LMF1: variants seen among roughly 807,000 people sequenced by gnomAD.
LMF1 encodes the protein transmembrane protein 112.
A neutral mutation model predicts 60.6 loss-of-function variants in LMF1; 68 were observed. That is an observed-to-expected ratio of 1.12 (90% confidence interval 0.92 to 1.37). The LOEUF is 1.37. LMF1 is among the 40% of genes most tolerant of loss of function. The pLI, the probability that LMF1 is intolerant of heterozygous loss-of-function variation, is 0.00. For missense variants in LMF1, 948 were observed against 767.2 expected (o/e 1.24, Z -2.78); for synonymous variants, 418 against 324.7 (o/e 1.29, Z -3.09).
intron 2 of LMF1, chr16:934,461 CA>C (rs1286889828): frequency 1.7e-6 from 1 of 600,192 alleles, no homozygotes; most frequent in South Asian, 1.9e-5. Flanking sequence ...AACAGGCAAC[CA>C]AAACATATTC....
chr16:855,843 G>C, intron 10 of LMF1: 1 of 456,064 alleles, frequency 2.2e-6, no homozygotes, highest in South Asian at 1.5e-5. Flanking sequence ...CCTGCACACA[G>C]CTGTGCTCTG....
chr16:875,522 C>T (rs1185666600), intron 6 of LMF1, among the ~76,000 whole-genome samples: 1 of 152,160 alleles, frequency 6.6e-6, no homozygotes, highest in Non-Finnish European at 1.5e-5. Flanking sequence ...TAACTCAGCA[C>T]CTTGCTTTTC....
intron 10 of LMF1, among the ~76,000 whole-genome samples, chr16:860,372 C>G (rs954337103): frequency 6.6e-6 from 1 of 151,386 alleles, no homozygotes; most frequent in Admixed American, 6.6e-5. Flanking sequence ...TGGGCTCTCG[C>G]TCTGTTGCCC....
chr16:880,963 T>C (rs2070146020), intron 5 of LMF1, among the ~76,000 whole-genome samples: 1 of 152,198 alleles, frequency 6.6e-6, no homozygotes, highest in Non-Finnish European at 1.5e-5. Flanking sequence ...CCATTGGGCC[T>C]GGCACAGCCG....
chr16:864,261 A>T (rs2069548673), intron 10 of LMF1, among the ~76,000 whole-genome samples: 1 of 152,182 alleles, frequency 6.6e-6, no homozygotes, highest in Non-Finnish European at 1.5e-5. Context: ...TTTCATTAAT[A>T]GTCACATATT....
chr16:973,304 C>T (rs1057084209), upstream of LMF1, among the ~76,000 whole-genome samples: 19 of 152,186 alleles, frequency 1.2e-4, no homozygotes, highest in Admixed American at 6.5e-5. Context: ...TAGATCGCGC[C>T]ACTGCACTCC....
At chr16:858,585 G>C (rs1189188122) in intron 10 of LMF1, among the ~76,000 whole-genome samples, 2 of 83,412 alleles carry the variant, frequency 2.4e-5, no homozygotes, top group Non-Finnish European at 2.4e-5. Flanking sequence ...CTCGGGACGG[G>C]TGTGAGTGGT....
chr16:890,683 C>A (rs975163504), intron 5 of LMF1, among the ~76,000 whole-genome samples: 9 of 152,248 alleles, frequency 5.9e-5, no homozygotes, highest in Non-Finnish European at 8.8e-5. Context: ...GCACAGGACC[C>A]CCCCATGTGT....
chr16:859,126 G>T (rs1380454400), intron 10 of LMF1, among the ~76,000 whole-genome samples: 1 of 131,924 alleles, frequency 7.6e-6, no homozygotes, highest in Non-Finnish European at 1.5e-5. Flanking sequence ...CGGGACGGGT[G>T]TGCACTGATG....
intron 2 of LMF1, among the ~76,000 whole-genome samples, chr16:942,713 G>A (rs763383867): frequency 8.2e-5 from 11 of 134,490 alleles, no homozygotes; most frequent in Non-Finnish European, 1.3e-4. Flanking sequence ...CCAATCACAT[G>A]TATGTTAGAC....
chr16:954,259 AACGCTCGTCCAGTC>A, intron 2 of LMF1, 84 bp downstream of exon 2: 1 of 1,242,948 alleles, frequency 8.0e-7, no homozygotes, highest in Non-Finnish European at 1.1e-6. Flanking sequence ...ATTTAAGATA[AACGCTCGTCCAGTC>A]TTTCCAAGTG....
intron 7 of LMF1, 136 bp from the exon 8 acceptor site, chr16:871,018 C>T (rs574132095): frequency 4.3e-6 from 6 of 1,403,914 alleles, no homozygotes; most frequent in Admixed American, 4.6e-5. Flanking sequence ...AACTCACACA[C>T]CTTGTTCCTG....
chr16:913,414 G>T (rs1183025826), intron 3 of LMF1, among the ~76,000 whole-genome samples: 1 of 152,266 alleles, frequency 6.6e-6, no homozygotes, highest in Non-Finnish European at 1.5e-5. Flanking sequence ...GGTCCAGGGA[G>T]ATGCTCCTGA....
exon 1 of LMF1, chr16:981,249 G>A: frequency 2.2e-6 from 1 of 454,220 alleles, no homozygotes; most frequent in Non-Finnish European, 4.4e-6. Flanking sequence ...CCGCGCCACC[G>A]GCCTGCGGGC....
chr16:975,264 C>T (rs113722869), upstream of LMF1, among the ~76,000 whole-genome samples: 7,537 of 152,272 alleles, frequency 0.049, 204 homozygotes, highest in Non-Finnish European at 0.066. Flanking sequence ...GAAAGCACAG[C>T]TCCCAATGTG....
At chr16:875,384 CT>C (rs1217824284) in intron 6 of LMF1, among the ~76,000 whole-genome samples, 3 of 152,148 alleles carry the variant, frequency 2.0e-5, no homozygotes, top group East Asian at 1.9e-4. Context: ...ATCTAACCCC[CT>C]GGCCAGGTTC....
Position 955,102 on chromosome 16 carries a change from G to GCA in LMF1, c.194-438_194-437dup, listed in dbSNP as rs772038218. Reference sequence around the variant, plus strand: ...CGTGCCCGCAGCAGACGCGGTGTGTGCACACACACACACACATCTAAGTAA... The same window carrying GCA: ...CGTGCCCGCAGCAGACGCGGTGTGTGCACACACACACACACACATCTAAGTAA... On this transcript the variant is annotated intron_variant, in intron 1 of 10. Coordinates refer to ENST00000262301, the MANE Select transcript of LMF1 (RefSeq NM_022773.4). 3.7e-4 allele frequency among the ~76,000 whole-genome samples: 46 copies of GCA among 124,178 alleles called. 1 individual carries two copies. The highest frequency in any genetic ancestry group is 5.0e-4 in the East Asian group (2 of 4,030). The allele number at this position is 124,178 out of a possible 152,430, so 81.5% of individuals were successfully genotyped here. A position where few individuals can be genotyped will look rare whatever the true frequency, so the allele number is the denominator to read the frequency against.
rs1181911306 is a variant in LMF1 at position 870,049 on chromosome 16, G to C, written c.1250C>G (p.Ala417Gly). The change falls in exon 9 of 11, where the codon GCG (alanine) becomes GGG (glycine). Residue 417 changes from alanine to glycine, a missense_variant. Coordinates refer to ENST00000262301, the MANE Select transcript of LMF1 (RefSeq NM_022773.4). Reference sequence around the variant, plus strand: ...GGCTGTGCCCTGCAGGATCACCTCCGCCCGCTCCTTGGTGATGCTGCCGGG... The same window carrying C: ...GGCTGTGCCCTGCAGGATCACCTCCCCCCGCTCCTTGGTGATGCTGCCGGG... The part of the protein sequence containing the change: ...GAFGSITKER[A>G]EVILQGTASS... 1 of 1,610,000 alleles carries C rather than the reference G, an allele frequency of 6.2e-7. No homozygotes were observed. Among genetic ancestry groups the C allele is most frequent in the African/African-American group, 1.3e-5 (1 of 74,912 alleles).
intron 10 of LMF1, among the ~76,000 whole-genome samples, chr16:860,780 G>A (rs1003459598): frequency 2.0e-5 from 3 of 152,036 alleles, no homozygotes; most frequent in Non-Finnish European, 2.9e-5. Context: ...AAACTCATCC[G>A]GGCATGTTTG....
Sources: allele counts gnomAD v4.1 joint callset (sites outside exome capture counted in the v4.1 genomes callset), GRCh38; gene constraint gnomAD v4.1.1; transcripts MANE v1.5; gene names NCBI Gene and HGNC (gene_info 2026-07-23, HGNC 2026-07-21).